SPATA17: variants seen among roughly 807,000 people sequenced by gnomAD.
SPATA17 encodes the protein spermatogenesis associated 17.
A neutral mutation model predicts 62.2 loss-of-function variants in SPATA17; 53 were observed. The observed-to-expected ratio is 0.85, with a 90% CI of 0.68 to 1.07. SPATA17 has a LOEUF of 1.07. Among genes scored for constraint, SPATA17 ranks in the 50% least tolerant of loss-of-function variants. The pLI is 0.00. For missense variants in SPATA17, 466 were observed against 425.5 expected, an observed-to-expected ratio of 1.10 and a Z score of -0.84; for synonymous variants, 146 against 146.8, an observed-to-expected ratio of 0.99 and a Z score of 0.04.
At chr1:217,676,222 G>A (rs1270524860) in intron 4 of SPATA17, among the ~76,000 whole-genome samples, 1 of 152,072 alleles carries the variant, frequency 6.6e-6, no homozygotes, top group Non-Finnish European at 1.5e-5. Flanking sequence ...CCAGCATCAG[G>A]ATTTGTCATC....
At chr1:217,698,424 G>T (rs886081358) in intron 5 of SPATA17, among the ~76,000 whole-genome samples, 9 of 151,414 alleles carry the variant, frequency 5.9e-5, no homozygotes, top group African/African-American at 2.2e-4. Flanking sequence ...ACAGAGTGAG[G>T]CTCCATCCCC....
At chr1:217,749,160 G>C (rs975435698) in intron 6 of SPATA17, among the ~76,000 whole-genome samples, 3 of 152,140 alleles carry the variant, frequency 2.0e-5, no homozygotes, top group Non-Finnish European at 2.9e-5. Flanking sequence ...AAGATTACCT[G>C]TAATGACTTT....
intron 5 of SPATA17, among the ~76,000 whole-genome samples, chr1:217,704,638 G>C (rs1671691704): frequency 6.6e-6 from 1 of 152,096 alleles, no homozygotes. Context: ...ACTTACAAGT[G>C]AGAACTTGTG....
rs559528765 is a variant in SPATA17 at position 217,719,331 on chromosome 1, A to G, written c.396-22644A>G. ...ATTTTCTATTTTTCCTAATGTGGAC[A>G]TTTTGTTGTGGTTATTCTTATTCCA... On this transcript the variant is annotated intron_variant, in intron 5 of 10. Coordinates refer to ENST00000366933, the MANE Select transcript of SPATA17 (RefSeq NM_138796.4). Among the ~76,000 whole-genome samples the G allele has an allele frequency of 2.0e-5, 3 of 152,298 alleles. No individual in the cohort carries two copies. In the South Asian group the frequency reaches 6.2e-4, roughly 32 times the overall value.
chr1:217,702,281 T>A (rs1671615761), intron 5 of SPATA17, among the ~76,000 whole-genome samples: 1 of 152,158 alleles, frequency 6.6e-6, no homozygotes, highest in Non-Finnish European at 1.5e-5. Flanking sequence ...AATTGATATA[T>A]ATGGGTCACC....
chr1:217,824,544 A>G (rs1392131640), intron 9 of SPATA17, among the ~76,000 whole-genome samples: 2 of 151,214 alleles, frequency 1.3e-5, no homozygotes, highest in African/African-American at 4.8e-5. Flanking sequence ...AATTTTTTAA[A>G]TGATTTCTTT....
intron 1 of SPATA17, among the ~76,000 whole-genome samples, chr1:217,636,633 A>G (rs1395670644): frequency 6.6e-6 from 1 of 152,084 alleles, no homozygotes; most frequent in Non-Finnish European, 1.5e-5. Flanking sequence ...TATGTTGGTC[A>G]GGCTGGTCTT....
rs1276406761 is a variant in SPATA17, at chr1:217,651,102, T to C, written c.164T>C (p.Leu55Ser). 4.4e-6 allele frequency: 7 copies of C among 1,602,848 alleles called. No individual in the cohort carries two copies. Among genetic ancestry groups the C allele is most frequent in the Non-Finnish European group, 6.0e-6 (7 of 1,176,258 alleles). ...GCATATTTTTTTTATCCTAGGCATTTAAACAGGATTGTAACAATTATTCAA... is the reference window on the plus strand; with the variant it reads ...GCATATTTTTTTTATCCTAGGCATTCAAACAGGATTGTAACAATTATTCAA... The part of the protein sequence containing the change: ...GCQVRAYIRH[L>S]NRIVTIIQKW... Residue 55 changes from leucine (L) to serine (S), a missense_variant, in exon 3 of 11, where the codon TTA becomes TCA. Coordinates refer to ENST00000366933, the MANE Select transcript of SPATA17 (RefSeq NM_138796.4).
chr1:217,697,503 G>T (rs1671486915), intron 5 of SPATA17, among the ~76,000 whole-genome samples: 1 of 152,094 alleles, frequency 6.6e-6, no homozygotes, highest in Admixed American at 6.5e-5. Flanking sequence ...ATTATGATCA[G>T]AAAATGGCAT....
At chr1:217,714,261 C>T (rs762136804) in intron 5 of SPATA17, among the ~76,000 whole-genome samples, 8 of 151,534 alleles carry the variant, frequency 5.3e-5, no homozygotes, top group Non-Finnish European at 7.4e-5. Flanking sequence ...TGGTGGCAGG[C>T]GCGTGTAATC....
chr1:217,814,602 C>T (rs2102993589), intron 9 of SPATA17, among the ~76,000 whole-genome samples: 1 of 152,206 alleles, frequency 6.6e-6, no homozygotes, highest in South Asian at 2.1e-4. Context: ...AATCCCAGCA[C>T]TTTGGGAGGC....
Position 217,868,154 on chromosome 1 carries a change from G to A in SPATA17, c.*1135G>A, listed in dbSNP as rs1242879252. On this transcript the variant is annotated 3_prime_UTR_variant, in exon 11 of 11. Coordinates refer to ENST00000366933, the MANE Select transcript of SPATA17 (RefSeq NM_138796.4). The stretch of plus-strand genomic sequence containing the variant: ...AAATAAAAGATCTTTTGAAACAATT[G>A]GAAGTTTGAACACTGATTGGATATT... 1 of 152,148 alleles carries A rather than the reference G, an allele frequency of 6.6e-6. No homozygotes were observed. The highest frequency in any genetic ancestry group is 2.4e-5 in the African/African-American group (1 of 41,436). 9.4% of individuals were successfully genotyped at this position (152,148 alleles called of 1,614,324 possible).
At chr1:217,763,104 T>C (rs1238451600) in intron 6 of SPATA17, among the ~76,000 whole-genome samples, 3 of 152,122 alleles carry the variant, frequency 2.0e-5, no homozygotes, top group Non-Finnish European at 4.4e-5. Flanking sequence ...GCAGCCAGAG[T>C]TGAGAACCCA....
At chr1:217,756,434 A>T (rs1673045731) in intron 6 of SPATA17, among the ~76,000 whole-genome samples, 1 of 152,158 alleles carries the variant, frequency 6.6e-6, no homozygotes, top group African/African-American at 2.4e-5. Flanking sequence ...TAGATATAGG[A>T]TGAAACTAAA....
At chr1:217,690,166 G>T (rs1671315913) in intron 5 of SPATA17, among the ~76,000 whole-genome samples, 1 of 152,078 alleles carries the variant, frequency 6.6e-6, no homozygotes, top group Admixed American at 6.6e-5. Flanking sequence ...GCCTACCAAA[G>T]TACTGGGACT....
intron 10 of SPATA17, among the ~76,000 whole-genome samples, chr1:217,863,062 C>A (rs1435897458): frequency 6.6e-6 from 1 of 150,878 alleles, no homozygotes. Context: ...ATCTCTTCTC[C>A]AAAATGAGCC....
intron 5 of SPATA17, among the ~76,000 whole-genome samples, chr1:217,737,218 G>A (rs1055432678): frequency 5.3e-5 from 8 of 152,150 alleles, no homozygotes; most frequent in Admixed American, 3.9e-4. Context: ...TGTTAACTGA[G>A]TGTAATAATA....
At chr1:217,758,879 G>T (rs1296818626) in intron 6 of SPATA17, among the ~76,000 whole-genome samples, 1 of 152,118 alleles carries the variant, frequency 6.6e-6, no homozygotes, top group Non-Finnish European at 1.5e-5. Context: ...GATCTTTAAG[G>T]TTATATAATT....
chr1:217,805,335 TCAGAAGTA>T (rs1370829018), intron 9 of SPATA17, among the ~76,000 whole-genome samples: 3 of 151,988 alleles, frequency 2.0e-5, no homozygotes, highest in African/African-American at 7.3e-5. Flanking sequence ...AAAATCAAAC[TCAGAAGTA>T]CAGAGTAGAA....
Sources: allele counts gnomAD v4.1 joint callset (sites outside exome capture counted in the v4.1 genomes callset), GRCh38; gene constraint gnomAD v4.1.1; transcripts MANE v1.5; gene names NCBI Gene and HGNC (gene_info 2026-07-23, HGNC 2026-07-21).